CA10: variants seen among roughly 807,000 people sequenced by gnomAD.
CA10 encodes the protein carbonic anhydrase 10 (inactive).
In CA10, 14 loss-of-function variants were observed where a neutral mutation model predicts 44.2. The ratio of observed to expected loss-of-function variants is 0.32; its 90% CI spans 0.21 to 0.50. CA10 has a LOEUF of 0.50. Among genes scored for constraint, CA10 ranks in the 20% least tolerant of loss-of-function variants. The pLI is 0.99. For missense variants in CA10, 350 were observed against 409.7 expected (o/e 0.85, Z 1.26); for synonymous variants, 159 against 141.6 (o/e 1.12, Z -0.87).
intron 2 of CA10, among the ~76,000 whole-genome samples, chr17:51,987,444 G>C (rs111498146): frequency 1.3e-5 from 2 of 151,714 alleles, no homozygotes; most frequent in African/African-American, 2.4e-5. Flanking sequence ...TCGGGTAATG[G>C]GTGCACCAAA....
chr17:51,995,456 T>C (rs182306980), intron 2 of CA10, among the ~76,000 whole-genome samples: 360 of 152,214 alleles, frequency 2.4e-3, no homozygotes, highest in Non-Finnish European at 3.3e-3. Flanking sequence ...TTTAACTAAA[T>C]AATTGAAATT....
chr17:52,072,331 T>C lies in CA10; in HGVS notation c.124A>G (p.Ser42Gly). The C allele has an allele frequency of 6.2e-7, 1 of 1,611,074 alleles. No homozygotes were observed. The highest frequency in any genetic ancestry group is 8.5e-7 in the Non-Finnish European group (1 of 1,177,374). The change falls in exon 2 of 9, where the codon AGC becomes GGC. Residue 42 changes from serine (S) to glycine (G), a missense_variant. By Grantham distance (56) the Ser-to-Gly change is moderately conservative (BLOSUM62 0). Transcript: ENST00000451037. ...AATGTGTACTTACCTGGAACAAAGCTTCCCTGGACCACCTCCTTGTATGCC... is the reference window on the plus strand; with the variant it reads ...AATGTGTACTTACCTGGAACAAAGCCTCCCTGGACCACCTCCTTGTATGCC... ...WWAYKEVVQG[S>G]FVPVPSFWGL...
At chr17:51,968,245 C>T (rs1984153008) in intron 2 of CA10, among the ~76,000 whole-genome samples, 1 of 151,852 alleles carries the variant, frequency 6.6e-6, no homozygotes, top group Admixed American at 6.6e-5. Context: ...AAATCAAAAC[C>T]TGTATGCAGA....
At chr17:51,869,614 G>C (rs1303516731) in intron 3 of CA10, among the ~76,000 whole-genome samples, 2 of 152,186 alleles carry the variant, frequency 1.3e-5, no homozygotes, top group Non-Finnish European at 2.9e-5. Context: ...GAGGCACGGA[G>C]TGAAAGCCAT....
At chr17:51,972,633 G>A (rs1442968211) in intron 2 of CA10, among the ~76,000 whole-genome samples, 1 of 152,048 alleles carries the variant, frequency 6.6e-6, no homozygotes, top group Non-Finnish European at 1.5e-5. Flanking sequence ...ATCAAAAAGA[G>A]GCCCTTGTTT....
intron 3 of CA10, among the ~76,000 whole-genome samples, chr17:51,854,779 A>G (rs1423375808): frequency 6.6e-6 from 1 of 152,242 alleles, no homozygotes; most frequent in African/African-American, 2.4e-5. Flanking sequence ...TGTGGTGTCC[A>G]CAGGGGATTA....
At chr17:51,869,922 C>T (rs970154837) in intron 3 of CA10, among the ~76,000 whole-genome samples, 2 of 152,268 alleles carry the variant, frequency 1.3e-5, no homozygotes, top group Middle Eastern at 3.4e-3. Flanking sequence ...TATTAGAACC[C>T]ATGTTAACAT....
At chr17:51,679,345 C>T (rs530266610) in intron 4 of CA10, among the ~76,000 whole-genome samples, 26 of 151,616 alleles carry the variant, frequency 1.7e-4, no homozygotes, top group African/African-American at 4.8e-4. Flanking sequence ...CTGCAAGCTC[C>T]GCCTCCCGGG....
intron 2 of CA10, among the ~76,000 whole-genome samples, chr17:51,935,637 T>C (rs1009515301): frequency 6.6e-6 from 1 of 152,166 alleles, no homozygotes; most frequent in Non-Finnish European, 1.5e-5. Context: ...ATTCTTACCA[T>C]AAATTACAAA....
At chr17:51,954,867 G>T (rs1032408774) in intron 2 of CA10, among the ~76,000 whole-genome samples, 32 of 152,196 alleles carry the variant, frequency 2.1e-4, no homozygotes, top group Non-Finnish European at 7.3e-5. Context: ...GAGGGATGAG[G>T]CTTCTTTCTA....
At chr17:51,717,827 G>GTATATATATATA (rs1268095043) in intron 4 of CA10, among the ~76,000 whole-genome samples, 1 of 10,352 alleles carries the variant, frequency 9.7e-5, no homozygotes, top group African/African-American at 3.5e-4. Flanking sequence ...ATATATGTGT[G>GTATATATATATA]TGTATATATA....
intron 2 of CA10, among the ~76,000 whole-genome samples, chr17:52,009,371 CAT>C (rs1985709112): frequency 6.6e-6 from 1 of 151,852 alleles, no homozygotes; most frequent in African/African-American, 2.4e-5. Context: ...TACTTTATAA[CAT>C]AAAGGAAATG....
At chr17:51,916,441 C>T (rs1300960416) in intron 3 of CA10, among the ~76,000 whole-genome samples, 1 of 152,164 alleles carries the variant, frequency 6.6e-6, no homozygotes, top group Non-Finnish European at 1.5e-5. Context: ...TGAGACGGAT[C>T]TGGTGGGAGG....
At chr17:51,755,503 G>C (rs982775623) in intron 3 of CA10, among the ~76,000 whole-genome samples, 1 of 152,140 alleles carries the variant, frequency 6.6e-6, no homozygotes, top group Non-Finnish European at 1.5e-5. Flanking sequence ...TCTCTCTCAA[G>C]GCAGTCTGAC....
intron 3 of CA10, among the ~76,000 whole-genome samples, chr17:51,832,784 A>G (rs1367360609): frequency 6.6e-6 from 1 of 152,182 alleles, no homozygotes; most frequent in African/African-American, 2.4e-5. Flanking sequence ...GGATCACATT[A>G]CTGGAGATAA....
intron 2 of CA10, among the ~76,000 whole-genome samples, chr17:52,054,126 G>T (rs947601858): frequency 6.6e-6 from 1 of 152,166 alleles, no homozygotes; most frequent in African/African-American, 2.4e-5. Context: ...GAGCCAGGCG[G>T]AACAGAGTCA....
At chr17:51,724,567 A>AGCTTTGATTTGTTGGG (rs1916455116) in intron 4 of CA10, among the ~76,000 whole-genome samples, 1 of 152,226 alleles carries the variant, frequency 6.6e-6, no homozygotes, top group Non-Finnish European at 1.5e-5. Context: ...AATCAAAAGC[A>AGCTTTGATTTGTTGGG]GCTTTGATTT....
At chr17:51,740,386 C>T (rs547946613) in intron 4 of CA10, among the ~76,000 whole-genome samples, 2 of 152,156 alleles carry the variant, frequency 1.3e-5, no homozygotes, top group South Asian at 2.1e-4. Flanking sequence ...CGTAATCATT[C>T]GTATTGGGTT....
At chr17:51,842,694 TTC>T (rs927817659) in intron 3 of CA10, among the ~76,000 whole-genome samples, 5 of 151,990 alleles carry the variant, frequency 3.3e-5, no homozygotes, top group African/African-American at 9.7e-5. Flanking sequence ...TCATTTATTT[TTC>T]TTTCATATTA....
Sources: allele counts gnomAD v4.1 joint callset (sites outside exome capture counted in the v4.1 genomes callset), GRCh38; gene constraint gnomAD v4.1.1; transcripts MANE v1.5; gene names NCBI Gene and HGNC (gene_info 2026-07-23, HGNC 2026-07-21).